The following FANCB variants were observed in gnomAD, a reference collection of about 807,000 sequenced individuals.
The protein encoded by FANCB is Fanconi anemia group B protein.
FANCB carries 5 observed loss-of-function variants against 38.9 expected under a neutral mutation model. The observed-to-expected ratio is 0.13, with a 90% CI of 0.07 to 0.27. The LOEUF is 0.27. FANCB is among the 10% of genes least tolerant of loss of function. FANCB has a pLI of 1.00. For synonymous variants in FANCB, 236 were observed against 215.4 expected (o/e 1.10, Z -0.84); for missense variants, 573 against 602.7 (o/e 0.95, Z 0.52).
At chrX:14,722,331 A>G in the FANCB span, among the ~76,000 whole-genome samples, 1 of 111,023 alleles carries the variant, frequency 9.0e-6, no homozygotes, top group African/African-American at 3.3e-5. Context: ...ATTTCTCCAC[A>G]TGGGCTACTT....
At chrX:14,868,407 T>A (rs2092479715) in intron 2 of FANCB, among the ~76,000 whole-genome samples, 1 of 112,106 alleles carries the variant, frequency 8.9e-6, no homozygotes, top group Non-Finnish European at 1.9e-5. Context: ...TTAAATGAAA[T>A]CCTGTCATTT....
chrX:14,702,778 C>T, the FANCB span, among the ~76,000 whole-genome samples: 3 of 111,575 alleles, frequency 2.7e-5, no homozygotes, highest in Non-Finnish European at 5.6e-5. Flanking sequence ...GATATGACCA[C>T]GCAGGCAGTA....
chrX:14,752,946 C>A, the FANCB span, among the ~76,000 whole-genome samples: 3 of 104,041 alleles, frequency 2.9e-5, no homozygotes, highest in Non-Finnish European at 5.9e-5. Flanking sequence ...CTTCCTTCTT[C>A]TCTGTCTCTG....
At chrX:14,701,130 GA>G in the FANCB span, among the ~76,000 whole-genome samples, 1 of 110,865 alleles carries the variant, frequency 9.0e-6, no homozygotes, top group Non-Finnish European at 1.9e-5. Flanking sequence ...GGAGGTGACA[GA>G]GTAGGAGGTG....
chrX:14,786,056 A>C, the FANCB span, among the ~76,000 whole-genome samples: 1 of 112,039 alleles, frequency 8.9e-6, no homozygotes. Flanking sequence ...AGCTGAGCCC[A>C]GGTGGAGCAC....
the FANCB span, among the ~76,000 whole-genome samples, chrX:14,729,803 TTTC>T: frequency 9.0e-6 from 1 of 111,396 alleles, no homozygotes; most frequent in African/African-American, 3.3e-5. Flanking sequence ...CAGTAAATGT[TTTC>T]TGAATGAATG....
chrX:14,798,746 T>C, the FANCB span, among the ~76,000 whole-genome samples: 1 of 111,252 alleles, frequency 9.0e-6, no homozygotes, highest in African/African-American at 3.3e-5. Context: ...ACGGTTAGGG[T>C]TTTCTTGTCA....
At chrX:14,727,900 A>G in the FANCB span, among the ~76,000 whole-genome samples, 29 of 111,650 alleles carry the variant, frequency 2.6e-4, no homozygotes, top group African/African-American at 8.8e-4. Flanking sequence ...AACTTCATCA[A>G]TTGTCTCCCA....
intron 7 of FANCB, among the ~76,000 whole-genome samples, chrX:14,849,551 C>A (rs2092392008): frequency 8.9e-6 from 1 of 112,126 alleles, no homozygotes; most frequent in Non-Finnish European, 1.9e-5. Flanking sequence ...CTTTGTTAGA[C>A]TGCAGATATA....
intron 5 of FANCB, 60 bp from the exon 6 acceptor site, chrX:14,853,227 C>G (rs1265972268): frequency 3.9e-6 from 4 of 1,029,358 alleles, no homozygotes; most frequent in Non-Finnish European, 5.4e-6. Flanking sequence ...ACCAGACATA[C>G]CAATAATTCA....
the FANCB span, among the ~76,000 whole-genome samples, chrX:14,796,691 TATACAC>T: frequency 4.2e-5 from 3 of 71,971 alleles, no homozygotes; most frequent in Non-Finnish European, 5.6e-5. Flanking sequence ...CACGTCTATA[TATACAC>T]ACACACACAC....
At chrX:14,763,587 T>C in the FANCB span, among the ~76,000 whole-genome samples, 3 of 112,042 alleles carry the variant, frequency 2.7e-5, no homozygotes, top group Middle Eastern at 0.014. Flanking sequence ...TATAGTTACA[T>C]GGGTGTTTGC....
the FANCB span, among the ~76,000 whole-genome samples, chrX:14,798,495 C>T: frequency 8.9e-6 from 1 of 111,991 alleles, no homozygotes; most frequent in Admixed American, 9.5e-5. Context: ...AAGAAATAAG[C>T]AATATGTTTT....
the FANCB span, among the ~76,000 whole-genome samples, chrX:14,705,271 G>A: frequency 0.098 from 10,896 of 111,426 alleles, 763 homozygotes; most frequent in African/African-American, 0.24. Flanking sequence ...TCAGTGACAC[G>A]GAAGCTTTGT....
chrX:14,837,027 C>A lies in FANCB; in HGVS notation c.*1567-772G>T, dbSNP rs181764884. 2.7e-5 allele frequency among the ~76,000 whole-genome samples: 3 copies of A among 112,229 alleles called. No homozygotes were observed. The Admixed American group carries it at 2.8e-4, about 11-fold the overall frequency. ...GTGCATGAGAATGTGTTCAATGAAA[C>A]CTCTATAGACACATGATTGAATAAA... On this transcript the variant is annotated intron_variant and NMD_transcript_variant, in intron 10 of 10. Coordinates refer to the FANCB transcript ENST00000643728.
intron 1 of FANCB, 115 bp from the exon 2 acceptor site, chrX:14,869,158 T>C (rs1569094785): frequency 8.9e-6 from 1 of 112,173 alleles, no homozygotes; most frequent in Non-Finnish European, 1.9e-5. Context: ...AGGAAAAGCA[T>C]GAAAATTACA....
At chrX:14,863,944 G>C (rs1410244100) in intron 3 of FANCB, among the ~76,000 whole-genome samples, 1 of 111,594 alleles carries the variant, frequency 9.0e-6, no homozygotes, top group Non-Finnish European at 1.9e-5. Flanking sequence ...AAACCAGCCT[G>C]GCCAACATGG....
At chrX:14,837,007 T>G (rs768046563) in intron 10 of FANCB, among the ~76,000 whole-genome samples, 3 of 112,328 alleles carry the variant, frequency 2.7e-5, no homozygotes, top group Non-Finnish European at 5.6e-5. Context: ...TAGATGTGCA[T>G]GAGAATGTGT....
At chrX:14,827,171 T>A in the FANCB span, among the ~76,000 whole-genome samples, 1 of 111,898 alleles carries the variant, frequency 8.9e-6, no homozygotes, top group Non-Finnish European at 1.9e-5. Flanking sequence ...GGATCTCTAT[T>A]CCCCACATGC....
Sources: gnomAD v4.1 joint callset for allele counts (sites outside exome capture counted in the v4.1 genomes callset) on GRCh38, gnomAD v4.1.1 for gene constraint, MANE v1.5 for transcripts, NCBI Gene and HGNC (gene_info 2026-07-23, HGNC 2026-07-21) for gene names.